Variants in SLC25A26 observed in about 807,000 individuals in gnomAD.
SLC25A26 encodes the protein mitochondrial S-adenosylmethionine carrier protein.
SLC25A26 carries 36 observed loss-of-function variants against 37.8 expected under a neutral mutation model. That is an observed-to-expected ratio of 0.95 (90% CI 0.73 to 1.26). The LOEUF (loss-of-function observed/expected upper bound fraction) is 1.26. Among genes scored for constraint, SLC25A26 ranks in the 50% most tolerant of loss-of-function variants. SLC25A26 has a pLI of 0.00. For missense variants in SLC25A26, 390 were observed against 331.1 expected, an observed-to-expected ratio of 1.18 and a Z score of -1.38; for synonymous variants, 129 against 122.5, an observed-to-expected ratio of 1.05 and a Z score of -0.35.
At chr3:66,146,868 T>C (rs1651596611) in intron 1 of SLC25A26, among the ~76,000 whole-genome samples, 1 of 152,070 alleles carries the variant, frequency 6.6e-6, no homozygotes, top group African/African-American at 2.4e-5. Flanking sequence ...ATTACATCAG[T>C]CTTATGCTTT....
chr3:66,221,203 T>G (rs2071474710), intron 1 of SLC25A26, 76 bp downstream of exon 1: 1 of 1,416,486 alleles, frequency 7.1e-7, no homozygotes, highest in African/African-American at 1.5e-5. Context: ...TTCTCTGCAC[T>G]GGTTTTCTTC....
intron 6 of SLC25A26, among the ~76,000 whole-genome samples, chr3:66,362,340 A>G (rs139648219): frequency 2.4e-4 from 37 of 152,362 alleles, no homozygotes; most frequent in African/African-American, 8.9e-4. Flanking sequence ...ATACAACAGA[A>G]TATTACTAAT....
chr3:66,290,014 T>C (rs1026477305), intron 5 of SLC25A26, among the ~76,000 whole-genome samples: 1 of 152,240 alleles, frequency 6.6e-6, no homozygotes, highest in Non-Finnish European at 1.5e-5. Context: ...TTTGTAGTTC[T>C]CCTTGAAGAG....
At chr3:66,274,537 C>T (rs1407454095) in intron 5 of SLC25A26, among the ~76,000 whole-genome samples, 1 of 152,138 alleles carries the variant, frequency 6.6e-6, no homozygotes, top group African/African-American at 2.4e-5. Flanking sequence ...CTACAATGAA[C>T]TCAAACAAAT....
chr3:66,330,506 A>G (rs2075948049), intron 5 of SLC25A26, among the ~76,000 whole-genome samples: 1 of 152,144 alleles, frequency 6.6e-6, no homozygotes, highest in Admixed American at 6.5e-5. Context: ...GTCTGTTCAT[A>G]TCTGCATCTA....
At chr3:66,206,527 A>G (rs2071179387) in intron 1 of SLC25A26, among the ~76,000 whole-genome samples, 1 of 152,178 alleles carries the variant, frequency 6.6e-6, no homozygotes. Flanking sequence ...CATGTAATGC[A>G]CAATCTGCAA....
intron 1 of SLC25A26, among the ~76,000 whole-genome samples, chr3:66,174,952 T>C (rs1486333874): frequency 2.0e-5 from 3 of 151,696 alleles, no homozygotes; most frequent in African/African-American, 7.3e-5. Flanking sequence ...TAGAATTGCA[T>C]GTGGACTTAC....
intron 1 of SLC25A26, among the ~76,000 whole-genome samples, chr3:66,151,686 T>C (rs1463671170): frequency 6.6e-6 from 1 of 152,146 alleles, no homozygotes; most frequent in Non-Finnish European, 1.5e-5. Flanking sequence ...GGTACTTTCC[T>C]CTTTACCATC....
intron 5 of SLC25A26, among the ~76,000 whole-genome samples, chr3:66,309,627 C>G (rs867873278): frequency 6.6e-6 from 1 of 152,154 alleles, no homozygotes; most frequent in African/African-American, 2.4e-5. Context: ...TTCCCACTTT[C>G]GCCTGTGTGC....
intron 5 of SLC25A26, among the ~76,000 whole-genome samples, chr3:66,277,814 A>G (rs1421622316): frequency 6.6e-6 from 1 of 152,108 alleles, no homozygotes; most frequent in Non-Finnish European, 1.5e-5. Flanking sequence ...ATGCACCAAG[A>G]AGGACACAAT....
At chr3:66,350,616 A>G (rs2076428100) in intron 6 of SLC25A26, among the ~76,000 whole-genome samples, 1 of 152,126 alleles carries the variant, frequency 6.6e-6, no homozygotes, top group Non-Finnish European at 1.5e-5. Flanking sequence ...CTAAAACTCT[A>G]AAACATTAAG....
At chr3:66,306,904 C>T (rs2075241768) in intron 5 of SLC25A26, among the ~76,000 whole-genome samples, 1 of 152,164 alleles carries the variant, frequency 6.6e-6, no homozygotes, top group South Asian at 2.1e-4. Context: ...TCCAGTCTAT[C>T]ATTGATGGGC....
At chr3:66,215,477 G>A (rs2071346843) in intron 1 of SLC25A26, among the ~76,000 whole-genome samples, 1 of 152,162 alleles carries the variant, frequency 6.6e-6, no homozygotes, top group East Asian at 1.9e-4. Context: ...CTGTGATTCA[G>A]TACTATTTTA....
intron 1 of SLC25A26, among the ~76,000 whole-genome samples, chr3:66,226,657 C>T (rs1026914672): frequency 6.6e-6 from 1 of 152,068 alleles, no homozygotes; most frequent in Admixed American, 6.6e-5. Flanking sequence ...GAGACAGGGT[C>T]TTGCTGTGTT....
At chr3:66,262,917 C>A (rs545452964) in intron 4 of SLC25A26, among the ~76,000 whole-genome samples, 8 of 152,056 alleles carry the variant, frequency 5.3e-5, no homozygotes, top group Non-Finnish European at 1.0e-4. Context: ...TGTTTTTATA[C>A]AAAAGGATAA....
chr3:66,209,898 T>TTTTATATATATATATATATATATATATA (rs1553656263), intron 1 of SLC25A26, among the ~76,000 whole-genome samples: 1 of 38,608 alleles, frequency 2.6e-5, no homozygotes, highest in Non-Finnish European at 5.0e-5. Context: ...CTCTCTCTAT[T>TTTTATATATATATATATATATATATATA]TATATATATA....
chr3:66,134,426 CA>C (rs1385761725), intron 1 of SLC25A26, among the ~76,000 whole-genome samples: 1 of 152,168 alleles, frequency 6.6e-6, no homozygotes, highest in Non-Finnish European at 1.5e-5. Context: ...GTGTGTTTGT[CA>C]CAGAGAAGTG....
chr3:66,291,747 G>T (rs763612946), intron 5 of SLC25A26, among the ~76,000 whole-genome samples: 4 of 152,180 alleles, frequency 2.6e-5, no homozygotes, highest in African/African-American at 4.8e-5. Context: ...GAATAAGTGC[G>T]ATGTGTTGCT....
intron 1 of SLC25A26, among the ~76,000 whole-genome samples, chr3:66,212,592 C>T (rs1398344497): frequency 1.3e-5 from 2 of 152,200 alleles, no homozygotes; most frequent in African/African-American, 4.8e-5. Context: ...ATACTGTATC[C>T]ATTGAACAAT....
Sources: gnomAD v4.1 joint callset for allele counts (sites outside exome capture counted in the v4.1 genomes callset) on GRCh38, gnomAD v4.1.1 for gene constraint, MANE v1.5 for transcripts, NCBI Gene and HGNC (gene_info 2026-07-23, HGNC 2026-07-21) for gene names.